RBFOX1: variants seen among roughly 807,000 people sequenced by gnomAD.
RBFOX1 encodes RNA binding fox-1 homolog 1, also known as RNA binding protein fox-1 homolog 1.
A neutral mutation model predicts 57.7 loss-of-function variants in RBFOX1; 8 were observed. The observed-to-expected ratio is 0.14, with a 90% CI of 0.08 to 0.25. The LOEUF (loss-of-function observed/expected upper bound fraction) is 0.25. Ranked by LOEUF, RBFOX1 falls within the 10% of genes least tolerant of loss-of-function variation. The pLI is 1.00. For synonymous variants in RBFOX1, 326 were observed against 222.4 expected, an observed-to-expected ratio of 1.47 and a Z score of -4.15; for missense variants, 611 against 548.5, an observed-to-expected ratio of 1.11 and a Z score of -1.14.
chr16:5,822,209 C>T (rs1055454407), intron 3 of RBFOX1, among the ~76,000 whole-genome samples: 1 of 152,038 alleles, frequency 6.6e-6, no homozygotes. Context: ...CTTATGTTGT[C>T]ACTGATATGT....
intron 5 of RBFOX1, among the ~76,000 whole-genome samples, chr16:7,546,013 A>C (rs1198428835): frequency 1.8e-5 from 1 of 54,272 alleles, no homozygotes; most frequent in Non-Finnish European, 5.7e-5. Flanking sequence ...CTCTGAGCTT[A>C]TAAAAAAAAA....
intron 3 of RBFOX1, among the ~76,000 whole-genome samples, chr16:6,730,274 C>G (rs1300792760): frequency 6.6e-6 from 1 of 152,046 alleles, no homozygotes; most frequent in Non-Finnish European, 1.5e-5. Context: ...GTGTACGGCC[C>G]TAAGGATGGG....
intron 3 of RBFOX1, among the ~76,000 whole-genome samples, chr16:7,034,185 C>T (rs985091632): frequency 6.6e-6 from 1 of 152,118 alleles, no homozygotes; most frequent in Non-Finnish European, 1.5e-5. Flanking sequence ...GGTTTGACTC[C>T]TGGCTCTGGT....
Position 5,457,587 on chromosome 16 carries a change from C to T in RBFOX1, c.220-9629C>T, listed in dbSNP as rs548929684. On this transcript the variant is annotated intron_variant, in intron 1 of 2. Transcript: ENST00000585867. The stretch of plus-strand genomic sequence containing the variant: ...TTTGGGGCCACACAGGCATTCAGTT[C>T]CATAGCAGCCTTTGAGTTAACTCTT... Among the ~76,000 whole-genome samples, 29 of 152,256 alleles carry T rather than the reference C, an allele frequency of 1.9e-4. No individual in the cohort carries two copies. The South Asian group carries it at 5.4e-3, about 28-fold the overall frequency.
chr16:5,245,783 A>G (rs1596294300), intron 1 of RBFOX1, among the ~76,000 whole-genome samples: 1 of 137,240 alleles, frequency 7.3e-6, no homozygotes, highest in African/African-American at 2.5e-5. Flanking sequence ...TTTACTATAC[A>G]TTGGAAAAGT....
At chr16:5,908,007 T>A (rs2152200813) in intron 4 of RBFOX1, among the ~76,000 whole-genome samples, 1 of 151,700 alleles carries the variant, frequency 6.6e-6, no homozygotes, top group Non-Finnish European at 1.5e-5. Flanking sequence ...CTCTTCGGCC[T>A]CTGCAAGTGC....
At chr16:6,394,583 T>A (rs2092743062) in intron 2 of RBFOX1, among the ~76,000 whole-genome samples, 1 of 151,938 alleles carries the variant, frequency 6.6e-6, no homozygotes, top group Non-Finnish European at 1.5e-5. Context: ...ATATATGCAG[T>A]TAAGACATAT....
chr16:7,119,272 G>A (rs1463228681), intron 4 of RBFOX1, among the ~76,000 whole-genome samples: 3 of 152,086 alleles, frequency 2.0e-5, no homozygotes, highest in African/African-American at 7.2e-5. Flanking sequence ...GTGTGTTTGT[G>A]TGTACATAAT....
intron 3 of RBFOX1, among the ~76,000 whole-genome samples, chr16:6,994,667 T>C (rs1485563433): frequency 6.6e-6 from 1 of 152,214 alleles, no homozygotes; most frequent in South Asian, 2.1e-4. Context: ...TTAATCTCTT[T>C]TATGCCTCTC....
chr16:7,382,390 A>G (rs938368387), intron 4 of RBFOX1, among the ~76,000 whole-genome samples: 4 of 152,212 alleles, frequency 2.6e-5, no homozygotes, highest in African/African-American at 9.6e-5. Context: ...TATATTTTTC[A>G]TATCTTTTCT....
intron 3 of RBFOX1, among the ~76,000 whole-genome samples, chr16:5,825,629 C>T (rs569511366): frequency 4.6e-5 from 7 of 152,292 alleles, no homozygotes; most frequent in Non-Finnish European, 7.3e-5. Context: ...ACATTAAGGA[C>T]GTTGACAGCG....
At chr16:7,556,300 C>G (rs867912866) in intron 5 of RBFOX1, among the ~76,000 whole-genome samples, 1 of 152,122 alleles carries the variant, frequency 6.6e-6, no homozygotes, top group Non-Finnish European at 1.5e-5. Flanking sequence ...TCTTGTACAC[C>G]AGATTGTCTG....
At chr16:7,220,404 C>G (rs755018957) in intron 4 of RBFOX1, among the ~76,000 whole-genome samples, 8 of 152,146 alleles carry the variant, frequency 5.3e-5, no homozygotes, top group Non-Finnish European at 1.0e-4. Flanking sequence ...AAAGAAGGTG[C>G]AATGCATTAC....
At chr16:6,881,369 T>TA (rs1276329004) in intron 3 of RBFOX1, among the ~76,000 whole-genome samples, 2 of 152,184 alleles carry the variant, frequency 1.3e-5, no homozygotes, top group Non-Finnish European at 2.9e-5. Context: ...AACAAACAGT[T>TA]ACTCTCACAG....
chr16:7,093,725 A>G (rs552784863), intron 4 of RBFOX1, among the ~76,000 whole-genome samples: 6 of 152,030 alleles, frequency 3.9e-5, no homozygotes, highest in Non-Finnish European at 5.9e-5. Context: ...GTAATACGCT[A>G]TTTTCCGCTT....
At chr16:7,471,121 C>G (rs760248754) in intron 4 of RBFOX1, among the ~76,000 whole-genome samples, 7 of 152,004 alleles carry the variant, frequency 4.6e-5, no homozygotes, top group Non-Finnish European at 1.0e-4. Flanking sequence ...ACAGTAACTA[C>G]GTCTTGTTTA....
At chr16:6,081,138 A>T (rs776100768) in intron 1 of RBFOX1, among the ~76,000 whole-genome samples, 22 of 152,214 alleles carry the variant, frequency 1.4e-4, no homozygotes, top group Non-Finnish European at 3.1e-4. Context: ...ATGATTTCTC[A>T]TAGGGCGTCT....
At chr16:6,056,638 G>A (rs1370009809) in intron 1 of RBFOX1, among the ~76,000 whole-genome samples, 3 of 152,124 alleles carry the variant, frequency 2.0e-5, no homozygotes, top group Non-Finnish European at 2.9e-5. Flanking sequence ...GGAGACTGGC[G>A]TGGTCGCTGA....
chr16:6,692,405 C>G (rs759954421), intron 3 of RBFOX1, among the ~76,000 whole-genome samples: 4 of 152,152 alleles, frequency 2.6e-5, no homozygotes, highest in African/African-American at 9.7e-5. Flanking sequence ...TAGAGTTCCT[C>G]TCATTTAAAT....
Sources: gnomAD v4.1 joint callset for allele counts (sites outside exome capture counted in the v4.1 genomes callset) on GRCh38, gnomAD v4.1.1 for gene constraint, MANE v1.5 for transcripts, NCBI Gene and HGNC (gene_info 2026-07-23, HGNC 2026-07-21) for gene names.